CACNB2: variants seen among roughly 807,000 people sequenced by gnomAD.
CACNB2 encodes the protein voltage-dependent L-type calcium channel subunit beta-2.
CACNB2 carries 42 observed loss-of-function variants against 73.3 expected under a neutral mutation model. The observed-to-expected ratio is 0.57, with a 90% CI of 0.45 to 0.74. The LOEUF (loss-of-function observed/expected upper bound fraction) is 0.74, where lower values mean the gene tolerates loss of function less well. Among genes scored for constraint, CACNB2 ranks in the 30% least tolerant of loss-of-function variants. The pLI, the probability that CACNB2 is intolerant of heterozygous loss-of-function variation, is 0.00. For missense variants in CACNB2, 940 were observed against 853.0 expected (o/e 1.10, Z -1.27); for synonymous variants, 348 against 310.3 (o/e 1.12, Z -1.28).
rs1380948724 is a variant in CACNB2, at chr10:18,293,637, C to T, written c.214-108287C>T. Among the ~76,000 whole-genome samples, 3 of 152,214 alleles carry T rather than the reference C, an allele frequency of 2.0e-5. No homozygotes were observed. In the East Asian group the frequency reaches 5.8e-4, roughly 29 times the overall value. ...AAGTTGTTGGCTAAAAATTTAGGAG[C>T]ACTTATTTCAAGAGAGTCAGCATAG... On this transcript the variant is annotated intron_variant, in intron 2 of 13. Coordinates refer to ENST00000324631, the MANE Select transcript of CACNB2 (RefSeq NM_201596.3).
chr10:18,257,504 C>T (rs750468917), intron 2 of CACNB2, among the ~76,000 whole-genome samples: 6 of 152,122 alleles, frequency 3.9e-5, no homozygotes, highest in Middle Eastern at 3.2e-3. Flanking sequence ...TACCCTTCTT[C>T]GTATACACTA....
At chr10:18,399,672 T>C (rs1230262355) in intron 2 of CACNB2, among the ~76,000 whole-genome samples, 4 of 152,124 alleles carry the variant, frequency 2.6e-5, no homozygotes, top group South Asian at 4.1e-4. Flanking sequence ...CGTGAGCCAC[T>C]GCAGCCAGCT....
chr10:18,290,112 CTTTTTTTTTTTTT>C (rs992393946), intron 2 of CACNB2, among the ~76,000 whole-genome samples: 54 of 50,150 alleles, frequency 1.1e-3, no homozygotes, highest in Middle Eastern at 0.023. Flanking sequence ...TTTTCTTTTT[CTTTTTTTTTTTTT>C]TTTTTTTTTT....
At chr10:18,251,100 A>C (rs1037906993) in intron 2 of CACNB2, among the ~76,000 whole-genome samples, 5 of 152,344 alleles carry the variant, frequency 3.3e-5, no homozygotes, top group Non-Finnish European at 7.3e-5. Context: ...AACAACACTC[A>C]GTGGGATTGT....
intron 2 of CACNB2, among the ~76,000 whole-genome samples, chr10:18,346,144 T>C (rs1426947223): frequency 6.6e-6 from 1 of 152,138 alleles, no homozygotes; most frequent in African/African-American, 2.4e-5. Context: ...ACTGGAACTT[T>C]CTTTTATTTG....
intron 2 of CACNB2, among the ~76,000 whole-genome samples, chr10:18,308,206 C>G (rs2039819237): frequency 6.6e-6 from 1 of 151,928 alleles, no homozygotes; most frequent in Non-Finnish European, 1.5e-5. Context: ...GTTGGCCAGG[C>G]TAGTCTCGAA....
chr10:18,333,080 G>T (rs1044992133), intron 2 of CACNB2, among the ~76,000 whole-genome samples: 6 of 152,116 alleles, frequency 3.9e-5, no homozygotes, highest in Admixed American at 2.6e-4. Flanking sequence ...AGATAAAATT[G>T]CTATGCCTCT....
chr10:18,538,041 G>GAGAT (rs1218717721), intron 12 of CACNB2, 139 bp from the exon 13 acceptor site: 4 of 799,376 alleles, frequency 5.0e-6, no homozygotes, highest in Non-Finnish European at 8.7e-6. Context: ...AATAAAAAGG[G>GAGAT]AGATAGTAGC....
At chr10:18,519,699 T>C (rs1011394329) in intron 9 of CACNB2, 1 of 456,100 alleles carries the variant, frequency 2.2e-6, no homozygotes. Context: ...GTCTCATTTT[T>C]TTTTCTTTTC....
chr10:18,225,661 G>T (rs1317929699), intron 2 of CACNB2, among the ~76,000 whole-genome samples: 2 of 143,294 alleles, frequency 1.4e-5, no homozygotes, highest in African/African-American at 5.2e-5. Context: ...CATCTTTTTG[G>T]CAGGGTCTCC....
chr10:18,386,681 C>T (rs1007054015), intron 2 of CACNB2, among the ~76,000 whole-genome samples: 12 of 152,180 alleles, frequency 7.9e-5, no homozygotes, highest in Non-Finnish European at 1.6e-4. Context: ...CCTGGGATTA[C>T]AGGCGTGAGC....
intron 2 of CACNB2, among the ~76,000 whole-genome samples, chr10:18,372,921 C>T (rs938603104): frequency 6.6e-6 from 1 of 152,166 alleles, no homozygotes; most frequent in Non-Finnish European, 1.5e-5. Context: ...TGACTTTTGT[C>T]CACTTTCTCA....
intron 5 of CACNB2, among the ~76,000 whole-genome samples, chr10:18,501,883 T>A (rs1426366623): frequency 2.0e-5 from 3 of 152,240 alleles, no homozygotes; most frequent in Non-Finnish European, 4.4e-5. Flanking sequence ...TCAAGTTCAT[T>A]TAGTTCAGAC....
chr10:18,469,565 A>G (rs2048073264), intron 3 of CACNB2, among the ~76,000 whole-genome samples: 1 of 152,230 alleles, frequency 6.6e-6, no homozygotes, highest in African/African-American at 2.4e-5. Flanking sequence ...ATCCAAATCT[A>G]GAAGTCTGAC....
intron 2 of CACNB2, among the ~76,000 whole-genome samples, chr10:18,372,321 G>T (rs1368069175): frequency 1.3e-5 from 2 of 152,134 alleles, no homozygotes; most frequent in South Asian, 4.1e-4. Flanking sequence ...TTCTTCTAGG[G>T]TTTTTATGGT....
intron 2 of CACNB2, among the ~76,000 whole-genome samples, chr10:18,202,527 T>G (rs2034925791): frequency 6.6e-6 from 1 of 152,184 alleles, no homozygotes. Flanking sequence ...CTTTAAAAAC[T>G]TCACATTCTC....
chr10:18,151,056 T>C (rs2031511560), intron 2 of CACNB2, 81 bp downstream of exon 2: 2 of 897,706 alleles, frequency 2.2e-6, no homozygotes, highest in Non-Finnish European at 3.8e-6. Flanking sequence ...CTCTTTTCCT[T>C]AAGATTTATG....
Position 18,536,207 on chromosome 10 carries a change from T to G in CACNB2, c.1302+11T>G, listed in dbSNP as rs2053553412. ...GCTCAGTGTCCTCCAGTAAGTTATCTCTATATACAGCATAATCCAGTTACA... is the reference window on the plus strand; with the variant it reads ...GCTCAGTGTCCTCCAGTAAGTTATCGCTATATACAGCATAATCCAGTTACA... On this transcript the variant is annotated intron_variant, in intron 12 of 13. Transcript: ENST00000324631. 4 of 1,177,092 alleles carry G rather than the reference T, an allele frequency of 3.4e-6. No homozygotes were observed. Among genetic ancestry groups the G allele is most frequent in the Non-Finnish European group, 5.0e-6 (4 of 802,658 alleles). 72.9% of individuals were successfully genotyped at this position (1,177,092 alleles called of 1,614,324 possible).
intron 3 of CACNB2, among the ~76,000 whole-genome samples, chr10:18,444,046 G>T (rs1440387875): frequency 6.6e-6 from 1 of 152,166 alleles, no homozygotes; most frequent in East Asian, 1.9e-4. Context: ...CCTGAAAAAG[G>T]ATCCCTTTTC....
Sources: gnomAD v4.1 joint callset for allele counts (sites outside exome capture counted in the v4.1 genomes callset) on GRCh38, gnomAD v4.1.1 for gene constraint, MANE v1.5 for transcripts, NCBI Gene and HGNC (gene_info 2026-07-23, HGNC 2026-07-21) for gene names.